Variants in AP1M1 observed in about 807,000 individuals in gnomAD.
AP1M1 encodes AP-1 complex subunit mu-1.
In AP1M1, 18 loss-of-function variants were observed where a neutral mutation model predicts 57.1. The ratio of observed to expected loss-of-function variants is 0.32; its 90% CI spans 0.22 to 0.47. The LOEUF (loss-of-function observed/expected upper bound fraction) is 0.47, where lower values mean the gene tolerates loss of function less well. Among genes scored for constraint, AP1M1 ranks in the 20% least tolerant of loss-of-function variants. The probability of loss-of-function intolerance (pLI) is 1.00; values close to 1 mark genes in which losing one functional copy is unlikely to be tolerated. For synonymous variants in AP1M1, 241 were observed against 237.9 expected (o/e 1.01, Z -0.12); for missense variants, 362 against 593.5 (o/e 0.61, Z 4.05).
intron 5 of AP1M1, 124 bp downstream of exon 5, chr19:16,209,301 A>G: frequency 1.9e-6 from 2 of 1,076,580 alleles, no homozygotes; most frequent in Non-Finnish European, 2.7e-6. Context: ...AGCAGGATTC[A>G]GTTTGGGCCA....
chr19:16,219,223 T>C (rs916300654), intron 5 of AP1M1, among the ~76,000 whole-genome samples: 2 of 152,150 alleles, frequency 1.3e-5, no homozygotes, highest in African/African-American at 4.8e-5. Flanking sequence ...ATTCCTGGAA[T>C]AAAATCCCAT....
At chr19:16,231,467 C>T (rs1378868135) in intron 9 of AP1M1, among the ~76,000 whole-genome samples, 2 of 151,566 alleles carry the variant, frequency 1.3e-5, no homozygotes, top group African/African-American at 2.4e-5. Context: ...AGTGCAGAGG[C>T]ACGATCTCGG....
intron 5 of AP1M1, among the ~76,000 whole-genome samples, chr19:16,211,117 C>CA (rs1199876467): frequency 1.6e-4 from 23 of 141,570 alleles, no homozygotes; most frequent in Admixed American, 2.2e-4. Flanking sequence ...TTTTTTTCGA[C>CA]AGAGTCTCAC....
At chr19:16,229,655 G>A (rs2091587658) in intron 9 of AP1M1, among the ~76,000 whole-genome samples, 1 of 152,178 alleles carries the variant, frequency 6.6e-6, no homozygotes, top group Admixed American at 6.5e-5. Context: ...CAATTCAAGT[G>A]CCTTGAATTT....
At position 16,228,123 on chromosome 19, in the gene AP1M1, G is replaced by T. The variant is rs775785604; in HGVS notation, c.817-14G>T. ...AAGGCCAGGTGTGAGCACCCTCTTTGCCCTCCTTGGCAGGTCAAGCCTTTG... is the reference window on the plus strand; with the variant it reads ...AAGGCCAGGTGTGAGCACCCTCTTTTCCCTCCTTGGCAGGTCAAGCCTTTG... On this transcript the variant is annotated splice_polypyrimidine_tract_variant and intron_variant, in intron 7 of 11. Coordinates refer to ENST00000291439, the MANE Select transcript of AP1M1 (RefSeq NM_032493.4). The surrounding 1 kb of genome is among the most constrained non-coding windows in gnomAD (Gnocchi z 5.0). 7 of 1,613,420 alleles carry T rather than the reference G, an allele frequency of 4.3e-6. No homozygotes were observed. In the Admixed American group the frequency reaches 1.0e-4, roughly 23 times the overall value.
chr19:16,206,518 G>T lies in AP1M1; in HGVS notation c.267+110G>T. The T allele has an allele frequency of 1.7e-6, 2 of 1,171,378 alleles. No individual in the cohort carries two copies. The highest frequency in any genetic ancestry group is 2.5e-6 in the Non-Finnish European group (2 of 801,820). 72.6% of individuals were successfully genotyped at this position (1,171,378 alleles called of 1,614,324 possible). On this transcript the variant is annotated intron_variant, in intron 3 of 11. Coordinates refer to ENST00000291439, the MANE Select transcript of AP1M1 (RefSeq NM_032493.4). This position sits in a 1 kb window ranked among gnomAD's most constrained non-coding sequence, Gnocchi z 4.3. Reference sequence around the variant, plus strand: ...CAGAGAGCTGTGGCATCCCCAGGGAGCACTGGGGCTGGAAGCCCAGGAAGT... The same window carrying T: ...CAGAGAGCTGTGGCATCCCCAGGGATCACTGGGGCTGGAAGCCCAGGAAGT...
At position 16,243,266 on chromosome 19, in the gene AP1M1, T is replaced by G. The variant is rs1048068131; in HGVS notation, c.*8831T>G. ...AGGTTTTTTTTGTTTTTGTTTTTGTTTTTGTTTTTGTTTTTGTTTTGAGAA... is the reference window on the plus strand; with the variant it reads ...AGGTTTTTTTTGTTTTTGTTTTTGTGTTTGTTTTTGTTTTTGTTTTGAGAA... On this transcript the variant is annotated 3_prime_UTR_variant, in exon 12 of 12. Transcript: ENST00000291439. 5.3e-5 allele frequency: 8 copies of G among 151,370 alleles called. No individual in the cohort carries two copies. Among genetic ancestry groups the G allele is most frequent in the Non-Finnish European group, 1.0e-4 (7 of 67,840 alleles). The allele number at this position is 151,370 out of a possible 1,614,324, so 9.4% of individuals were successfully genotyped here. A position where few individuals can be genotyped will look rare whatever the true frequency, so the allele number is the denominator to read the frequency against.
chr19:16,214,609 C>G (rs1419082438), intron 5 of AP1M1, among the ~76,000 whole-genome samples: 3 of 152,270 alleles, frequency 2.0e-5, no homozygotes, highest in South Asian at 4.1e-4. Context: ...GCCTCAGCCT[C>G]CCAAAGTGCT....
rs1324405900 is a variant in AP1M1 at position 16,203,630 on chromosome 19, G to A, written c.199+15G>A. 4 of 1,591,992 alleles carry A rather than the reference G, an allele frequency of 2.5e-6. No individual in the cohort carries two copies. The highest frequency in any genetic ancestry group is 4.5e-5 in the East Asian group (2 of 44,626). ...CAACCTGTATCGTATCCCTTTGCTG[G>A]GGGTGCTCCCAGGGGACTCCTGTGT... On this transcript the variant is annotated intron_variant, in intron 2 of 11. Coordinates refer to ENST00000291439, the MANE Select transcript of AP1M1 (RefSeq NM_032493.4). The surrounding 1 kb of genome is among the most constrained non-coding windows in gnomAD (Gnocchi z 4.6).
In AP1M1 at chr19:16,238,643, T is replaced by C. The variant is rs2091633956; in HGVS notation, c.*4208T>C. The C allele has an allele frequency of 6.6e-6, 1 of 152,012 alleles. No homozygotes were observed. The highest frequency in any genetic ancestry group is 6.6e-5 in the Admixed American group (1 of 15,238). 9.4% of individuals were successfully genotyped at this position (152,012 alleles called of 1,614,324 possible). ...GAAAGGCAAAAACAGGAAGGGGGTA[T>C]GACTGGGGCCTCTGCTGTGTTGGCA... On this transcript the variant is annotated 3_prime_UTR_variant, in exon 12 of 12. Transcript: ENST00000291439.
intron 9 of AP1M1, among the ~76,000 whole-genome samples, chr19:16,231,287 CAAAAAA>C (rs1231125818): frequency 2.7e-4 from 31 of 115,154 alleles, no homozygotes; most frequent in African/African-American, 1.3e-3. Context: ...GACTCTGTCT[CAAAAAA>C]AAAAAAAAAA....
In AP1M1 at chr19:16,207,470, G is replaced by C. The variant is rs34224618; in HGVS notation, c.268-549G>C. 6.6e-6 allele frequency among the ~76,000 whole-genome samples: 1 copy of C among 152,040 alleles called. No homozygotes were observed. Among genetic ancestry groups the C allele is most frequent in the Non-Finnish European group, 1.5e-5 (1 of 67,996 alleles). On this transcript the variant is annotated intron_variant, in intron 3 of 11. Transcript: ENST00000291439. This position sits in a 1 kb window ranked among gnomAD's most constrained non-coding sequence, Gnocchi z 4.2. Reference sequence around the variant, plus strand: ...CAGCAGATCAGAGAATGGGGGATGCGGGAAGGGGAAGGTCCTCACCCAAGG... The same window carrying C: ...CAGCAGATCAGAGAATGGGGGATGCCGGAAGGGGAAGGTCCTCACCCAAGG...
intron 1 of AP1M1, among the ~76,000 whole-genome samples, chr19:16,200,288 G>T (rs1239854463): frequency 6.6e-6 from 1 of 152,196 alleles, no homozygotes. Flanking sequence ...TCCCTGAAGA[G>T]GGCGACGCTG....
At chr19:16,226,038 A>C (rs1402577551) in intron 5 of AP1M1, among the ~76,000 whole-genome samples, 3 of 152,054 alleles carry the variant, frequency 2.0e-5, no homozygotes, top group Non-Finnish European at 4.4e-5. Flanking sequence ...GGCCCGGAGC[A>C]TTCAGGGGGC....
intron 5 of AP1M1, 93 bp from the exon 6 acceptor site, chr19:16,226,328 G>A: frequency 6.9e-7 from 1 of 1,455,206 alleles, no homozygotes; most frequent in Non-Finnish European, 9.1e-7. Context: ...GAAGGGCGTT[G>A]AGAGTGGGGT....
Position 16,237,861 on chromosome 19 carries a change from A to G in AP1M1, c.*3426A>G. 6.6e-6 allele frequency: 1 copy of G among 151,390 alleles called. No homozygotes were observed. The highest frequency in any genetic ancestry group is 1.5e-5 in the Non-Finnish European group (1 of 67,866). The allele number at this position is 151,390 out of a possible 1,614,324, so 9.4% of individuals were successfully genotyped here. ...CCCCCCAAAAAAATTTTTTTTTTTG[A>G]GACAGGGTCTTGCTATGTTACCCAG... On this transcript the variant is annotated 3_prime_UTR_variant, in exon 12 of 12. Coordinates refer to ENST00000291439, the MANE Select transcript of AP1M1 (RefSeq NM_032493.4).
At position 16,203,557 on chromosome 19, in the gene AP1M1, G is replaced by A. The variant is rs146062531; in HGVS notation, c.141G>A (p.Ser47=). The part of the protein sequence containing the change: ...LMEKEEEGML[S]PILAHGGVRF... ...AGAAGGAGGAGGAGGGGATGCTGTC[G>A]CCCATCCTGGCCCACGGGGGGGTCC... The change falls in exon 2 of 12, where the codon TCG becomes TCA. Residue 47 remains serine (S), a synonymous_variant. Coordinates refer to ENST00000291439, the MANE Select transcript of AP1M1 (RefSeq NM_032493.4). The surrounding 1 kb of genome is among the most constrained non-coding windows in gnomAD (Gnocchi z 4.6). The A allele has an allele frequency of 1.4e-4, 229 of 1,613,954 alleles. No homozygotes were observed. The African/African-American group carries it at 1.6e-3, about 11-fold the overall frequency.
At chr19:16,216,996 G>A (rs1168369972) in intron 5 of AP1M1, among the ~76,000 whole-genome samples, 1 of 152,156 alleles carries the variant, frequency 6.6e-6, no homozygotes, top group African/African-American at 2.4e-5. Context: ...CTCTGGGAGG[G>A]CATTTGTAGC....
At chr19:16,220,211 A>C (rs1303486992) in intron 5 of AP1M1, among the ~76,000 whole-genome samples, 3 of 152,158 alleles carry the variant, frequency 2.0e-5, no homozygotes, top group Non-Finnish European at 4.4e-5. Context: ...TTTCAAAAAA[A>C]AGTGTTTTCT....
Sources: allele counts gnomAD v4.1 joint callset (sites outside exome capture counted in the v4.1 genomes callset), GRCh38; gene constraint gnomAD v4.1.1; non-coding constraint Gnocchi (gnomAD v3.1); transcripts MANE v1.5; gene names NCBI Gene and HGNC (gene_info 2026-07-23, HGNC 2026-07-21).